The following OXR1 variants were observed in gnomAD, a reference collection of about 807,000 sequenced individuals.
The protein encoded by OXR1 is oxidation resistance 1, also known as oxidation resistance protein 1.
In OXR1, 41 loss-of-function variants were observed where a neutral mutation model predicts 104.6. The ratio of observed to expected loss-of-function variants is 0.39; its 90% CI spans 0.31 to 0.51. The LOEUF (loss-of-function observed/expected upper bound fraction) is 0.51. Among genes scored for constraint, OXR1 ranks in the 20% least tolerant of loss-of-function variants. The pLI, the probability that OXR1 is intolerant of heterozygous loss-of-function variation, is 0.77. For synonymous variants in OXR1, 348 were observed against 348.4 expected, an observed-to-expected ratio of 1.00 and a Z score of 0.01; for missense variants, 955 against 1,031.9, an observed-to-expected ratio of 0.93 and a Z score of 1.02.
chr8:106,340,168 G>A (rs1399423908), intron 1 of OXR1, among the ~76,000 whole-genome samples: 1 of 150,740 alleles, frequency 6.6e-6, no homozygotes, highest in African/African-American at 2.4e-5. Flanking sequence ...GTACTATAGT[G>A]ATTAGCAGCA....
At chr8:106,386,384 C>T (rs946970535) in intron 2 of OXR1, among the ~76,000 whole-genome samples, 2 of 152,184 alleles carry the variant, frequency 1.3e-5, no homozygotes, top group East Asian at 3.9e-4. Flanking sequence ...ATCCTTCATG[C>T]ATTTGCTTAA....
chr8:106,600,257 T>C (rs1460446771), intron 3 of OXR1, among the ~76,000 whole-genome samples: 6 of 152,232 alleles, frequency 3.9e-5, no homozygotes, highest in Non-Finnish European at 7.3e-5. Context: ...TATTTAAAGA[T>C]ATTCAAATCA....
At chr8:106,281,612 C>A (rs1812286186) in intron 1 of OXR1, among the ~76,000 whole-genome samples, 1 of 151,936 alleles carries the variant, frequency 6.6e-6, no homozygotes, top group Non-Finnish European at 1.5e-5. Context: ...CCAGCCTGGC[C>A]AAGATGGTGA....
intron 2 of OXR1, among the ~76,000 whole-genome samples, chr8:106,387,381 A>ACT (rs1453662840): frequency 6.6e-6 from 1 of 151,908 alleles, no homozygotes; most frequent in Admixed American, 6.6e-5. Flanking sequence ...TACCACAGAA[A>ACT]CTCTCTCTCT....
chr8:106,742,088 C>T, intron 14 of OXR1, 134 bp from the exon 15 acceptor site: 2 of 592,180 alleles, frequency 3.4e-6, no homozygotes, highest in Non-Finnish European at 5.9e-6. Context: ...CCATTTTTCC[C>T]TTTTTAAGTA....
intron 3 of OXR1, among the ~76,000 whole-genome samples, chr8:106,615,494 G>T (rs185392480): frequency 6.6e-6 from 1 of 151,594 alleles, no homozygotes; most frequent in African/African-American, 2.4e-5. Flanking sequence ...CACAGCTCCA[G>T]TAAGTCCGGA....
chr8:106,519,648 T>G (rs1359736921), intron 3 of OXR1, among the ~76,000 whole-genome samples: 1 of 152,220 alleles, frequency 6.6e-6, no homozygotes, highest in Non-Finnish European at 1.5e-5. Flanking sequence ...GAGGACAGAT[T>G]ACATTGTGGG....
At chr8:106,342,227 T>C (rs1815281949) in intron 1 of OXR1, among the ~76,000 whole-genome samples, 1 of 150,536 alleles carries the variant, frequency 6.6e-6, no homozygotes, top group African/African-American at 2.4e-5. Flanking sequence ...CTTGCTTCTT[T>C]TTCTTTTCTT....
chr8:106,699,233 T>C (rs546486286), intron 7 of OXR1, among the ~76,000 whole-genome samples: 1 of 152,344 alleles, frequency 6.6e-6, no homozygotes, highest in South Asian at 2.1e-4. Context: ...CGCTGACTAT[T>C]GATTCTTCTG....
chr8:106,630,318 A>T (rs370341174), intron 3 of OXR1, among the ~76,000 whole-genome samples: 1 of 152,180 alleles, frequency 6.6e-6, no homozygotes, highest in Non-Finnish European at 1.5e-5. Context: ...AACTCATTCA[A>T]TCTCTGAACA....
rs758081350 is a variant in OXR1, at chr8:106,374,816, G to GC, written c.23+15181dup. ...TTCAGCTATGAGCTCATAGCAGAAG[G>GC]CTGAGGTTCTAAGATGTCCACCATC... On this transcript the variant is annotated intron_variant, in intron 2 of 16. Coordinates refer to ENST00000517566, the MANE Select transcript of OXR1 (RefSeq NM_001198533.2). 2.6e-5 allele frequency among the ~76,000 whole-genome samples: 4 copies of GC among 152,278 alleles called. No homozygotes were observed. In the South Asian group the frequency reaches 8.3e-4, roughly 32 times the overall value.
intron 2 of OXR1, among the ~76,000 whole-genome samples, chr8:106,444,971 G>A (rs1406395737): frequency 6.6e-6 from 1 of 151,934 alleles, no homozygotes; most frequent in African/African-American, 2.4e-5. Context: ...GAACAAATAT[G>A]AATAGTTTAG....
intron 7 of OXR1, chr8:106,698,152 A>G (rs1587139630): frequency 6.5e-6 from 4 of 612,304 alleles, no homozygotes; most frequent in South Asian, 6.3e-5. Context: ...TTTTCAAAGG[A>G]TATTTTCACT....
intron 3 of OXR1, among the ~76,000 whole-genome samples, chr8:106,674,347 T>C (rs1361621377): frequency 1.3e-5 from 2 of 152,242 alleles, no homozygotes; most frequent in Non-Finnish European, 2.9e-5. Context: ...GTGGGACCTG[T>C]AGTCCCTTTG....
At chr8:106,564,362 G>A (rs533872674) in intron 3 of OXR1, among the ~76,000 whole-genome samples, 79 of 152,066 alleles carry the variant, frequency 5.2e-4, no homozygotes, top group Non-Finnish European at 8.1e-4. Flanking sequence ...ACACCTCTAC[G>A]CAAATAAACT....
chr8:106,372,630 A>T (rs1374493310), intron 2 of OXR1, among the ~76,000 whole-genome samples: 1 of 152,218 alleles, frequency 6.6e-6, no homozygotes, highest in African/African-American at 2.4e-5. Flanking sequence ...AAACCATTTC[A>T]TGCAAAAAAT....
chr8:106,273,696 TAAG>T (rs1811909581), intron 1 of OXR1, among the ~76,000 whole-genome samples: 1 of 152,232 alleles, frequency 6.6e-6, no homozygotes, highest in African/African-American at 2.4e-5. Flanking sequence ...GAGTAGTTAA[TAAG>T]AGACTTTCTT....
At chr8:106,706,260 A>G in intron 8 of OXR1, 122 bp from the exon 9 acceptor site, 1 of 579,496 alleles carries the variant, frequency 1.7e-6, no homozygotes, top group South Asian at 2.6e-5. Flanking sequence ...TTCTTTGGAG[A>G]TACGTGCTAC....
intron 11 of OXR1, among the ~76,000 whole-genome samples, chr8:106,719,697 T>C (rs1344252753): frequency 1.3e-5 from 2 of 152,244 alleles, no homozygotes; most frequent in Admixed American, 1.3e-4. Flanking sequence ...ATCCCCATAG[T>C]GTCTGTTAAC....
Sources: allele counts gnomAD v4.1 joint callset (sites outside exome capture counted in the v4.1 genomes callset), GRCh38; gene constraint gnomAD v4.1.1; transcripts MANE v1.5; gene names NCBI Gene and HGNC (gene_info 2026-07-23, HGNC 2026-07-21).